CACNA2D3: variants seen among roughly 807,000 people sequenced by gnomAD.
CACNA2D3 encodes calcium voltage-gated channel auxiliary subunit alpha2delta 3, also known as voltage-dependent calcium channel subunit alpha-2/delta-3.
Under a neutral mutation model 160.6 loss-of-function variants are expected in CACNA2D3, and 60 were observed. That is an observed-to-expected ratio of 0.37 (90% confidence interval 0.30 to 0.46). The LOEUF (loss-of-function observed/expected upper bound fraction) is 0.46. CACNA2D3 is among the 20% of genes least tolerant of loss of function. The pLI is 1.00. For synonymous variants in CACNA2D3, 558 were observed against 492.9 expected, an observed-to-expected ratio of 1.13 and a Z score of -1.75; for missense variants, 1,205 against 1,365.0, an observed-to-expected ratio of 0.88 and a Z score of 1.85.
At chr3:54,346,167 G>GT (rs1698455202) in intron 3 of CACNA2D3, among the ~76,000 whole-genome samples, 1 of 152,182 alleles carries the variant, frequency 6.6e-6, no homozygotes, top group Non-Finnish European at 1.5e-5. Context: ...TGATTCATTT[G>GT]TAAGTGTTAC....
chr3:54,318,045 A>G (rs960287790), intron 2 of CACNA2D3, among the ~76,000 whole-genome samples: 2 of 152,198 alleles, frequency 1.3e-5, no homozygotes, highest in African/African-American at 4.8e-5. Context: ...TTATAGAACC[A>G]TAGGAAAATG....
chr3:54,642,855 G>A (rs1185802871), intron 11 of CACNA2D3, among the ~76,000 whole-genome samples: 2 of 152,182 alleles, frequency 1.3e-5, no homozygotes, highest in African/African-American at 4.8e-5. Flanking sequence ...GGTTTCTCAA[G>A]CTGTTATCTT....
chr3:54,809,307 C>CTTTTTT (rs1417063441), intron 13 of CACNA2D3, among the ~76,000 whole-genome samples: 11 of 86,254 alleles, frequency 1.3e-4, no homozygotes, highest in South Asian at 3.6e-4. Context: ...TTCCTTCCTT[C>CTTTTTT]TTTCTTTTTT....
intron 2 of CACNA2D3, among the ~76,000 whole-genome samples, chr3:54,163,828 C>T (rs1054599995): frequency 6.6e-6 from 1 of 152,184 alleles, no homozygotes; most frequent in Non-Finnish European, 1.5e-5. Flanking sequence ...CTACCTCCAG[C>T]ACACCAGGCA....
At chr3:54,516,875 A>T (rs1001807608) in intron 5 of CACNA2D3, among the ~76,000 whole-genome samples, 1 of 152,114 alleles carries the variant, frequency 6.6e-6, no homozygotes, top group African/African-American at 2.4e-5. Context: ...TGCCCCCAAA[A>T]TCCAGATGAA....
At chr3:54,469,698 A>G (rs1321360954) in intron 4 of CACNA2D3, among the ~76,000 whole-genome samples, 2 of 152,078 alleles carry the variant, frequency 1.3e-5, no homozygotes, top group Admixed American at 6.5e-5. Context: ...GGTTAGAGGA[A>G]TTGCTAACTA....
At chr3:54,533,891 GA>G (rs1701845965) in intron 5 of CACNA2D3, among the ~76,000 whole-genome samples, 1 of 152,042 alleles carries the variant, frequency 6.6e-6, no homozygotes, top group African/African-American at 2.4e-5. Flanking sequence ...CAATCTAGGA[GA>G]AAAATATACA....
chr3:54,902,829 G>A (rs751793739), intron 27 of CACNA2D3, among the ~76,000 whole-genome samples: 2 of 152,110 alleles, frequency 1.3e-5, no homozygotes, highest in African/African-American at 4.8e-5. Flanking sequence ...GATAAAATGA[G>A]AAAACAAACA....
chr3:54,845,909 A>C (rs1698920738), intron 16 of CACNA2D3, among the ~76,000 whole-genome samples: 1 of 152,178 alleles, frequency 6.6e-6, no homozygotes, highest in South Asian at 2.1e-4. Context: ...GAATTATGGA[A>C]AATGACGGCC....
At chr3:54,362,428 T>G (rs1433495831) in intron 3 of CACNA2D3, among the ~76,000 whole-genome samples, 1 of 152,182 alleles carries the variant, frequency 6.6e-6, no homozygotes, top group Non-Finnish European at 1.5e-5. Flanking sequence ...TGGCTCCCAT[T>G]TCTGCTTATA....
chr3:54,229,098 T>C (rs1701723897), intron 2 of CACNA2D3, among the ~76,000 whole-genome samples: 1 of 152,204 alleles, frequency 6.6e-6, no homozygotes, highest in South Asian at 2.1e-4. Context: ...CTTGTTTGGG[T>C]GCTTTGTTCT....
chr3:54,418,084 A>C (rs1699783405), intron 4 of CACNA2D3, among the ~76,000 whole-genome samples: 1 of 152,208 alleles, frequency 6.6e-6, no homozygotes, highest in South Asian at 2.1e-4. Flanking sequence ...CACTGCACCC[A>C]GCCAAGGGTT....
chr3:54,561,528 A>G (rs1702325085), intron 5 of CACNA2D3, among the ~76,000 whole-genome samples: 1 of 152,170 alleles, frequency 6.6e-6, no homozygotes, highest in Non-Finnish European at 1.5e-5. Context: ...GTAAACAGGG[A>G]TAGTTTGACT....
At chr3:54,462,904 C>T (rs1011569172) in intron 4 of CACNA2D3, among the ~76,000 whole-genome samples, 43 of 149,250 alleles carry the variant, frequency 2.9e-4, no homozygotes, top group African/African-American at 5.4e-4. Flanking sequence ...GATTTTGCAG[C>T]GGCTGGTACC....
At chr3:54,552,716 T>C (rs1426745733) in intron 5 of CACNA2D3, among the ~76,000 whole-genome samples, 1 of 152,168 alleles carries the variant, frequency 6.6e-6, no homozygotes, top group Non-Finnish European at 1.5e-5. Context: ...AGCATCATCA[T>C]GATTTCTGTG....
At chr3:54,364,466 T>G (rs1179754148) in intron 3 of CACNA2D3, among the ~76,000 whole-genome samples, 3 of 152,232 alleles carry the variant, frequency 2.0e-5, no homozygotes, top group Non-Finnish European at 4.4e-5. Context: ...GATCAAATTG[T>G]TTAAATGATG....
intron 35 of CACNA2D3, among the ~76,000 whole-genome samples, chr3:55,042,358 G>C (rs182913293): frequency 1.6e-4 from 25 of 152,126 alleles, no homozygotes; most frequent in Admixed American, 1.6e-3. Flanking sequence ...GAATTTTTAT[G>C]TCTTCTTGGT....
At chr3:54,764,675 A>T (rs567235099) in intron 13 of CACNA2D3, among the ~76,000 whole-genome samples, 1 of 152,214 alleles carries the variant, frequency 6.6e-6, no homozygotes, top group East Asian at 1.9e-4. Context: ...GCATTCTTAG[A>T]TTCTGTCCTC....
chr3:54,382,019 A>G (rs975290548), intron 3 of CACNA2D3, among the ~76,000 whole-genome samples: 2 of 152,216 alleles, frequency 1.3e-5, no homozygotes, highest in Non-Finnish European at 2.9e-5. Context: ...ACAAGGGATA[A>G]AAGATTTGTG....
Sources: allele counts gnomAD v4.1 joint callset (sites outside exome capture counted in the v4.1 genomes callset), GRCh38; gene constraint gnomAD v4.1.1; transcripts MANE v1.5; gene names NCBI Gene and HGNC (gene_info 2026-07-23, HGNC 2026-07-21).